The following ADGRL2 variants were observed in gnomAD, a reference collection of about 807,000 sequenced individuals.
ADGRL2 encodes calcium-independent alpha-latrotoxin receptor 2.
A neutral mutation model predicts 157.4 loss-of-function variants in ADGRL2; 44 were observed. The ratio of observed to expected loss-of-function variants is 0.28; its 90% confidence interval spans 0.22 to 0.36. The LOEUF is 0.36. Among genes scored for constraint, ADGRL2 ranks in the 10% least tolerant of loss-of-function variants. The pLI is 1.00. For synonymous variants in ADGRL2, 585 were observed against 624.7 expected (o/e 0.94, Z 0.95); for missense variants, 1,510 against 1,768.9 (o/e 0.85, Z 2.63).
chr1:81,453,801 T>C (rs1487230022), intron 2 of ADGRL2, among the ~76,000 whole-genome samples: 1 of 152,200 alleles, frequency 6.6e-6, no homozygotes. Context: ...ATTAGCAATG[T>C]TGTGATGTCC....
chr1:81,931,809 C>T (rs1230489917), intron 3 of ADGRL2, among the ~76,000 whole-genome samples: 1 of 151,870 alleles, frequency 6.6e-6, no homozygotes, highest in African/African-American at 2.4e-5. Flanking sequence ...TTTTTTTAAA[C>T]TTTTTGTAGA....
intron 2 of ADGRL2, among the ~76,000 whole-genome samples, chr1:81,884,887 C>A (rs2094088451): frequency 6.6e-6 from 1 of 152,036 alleles, no homozygotes; most frequent in African/African-American, 2.4e-5. Flanking sequence ...GAGATAAATT[C>A]ATAATTGAGT....
At chr1:81,898,285 C>A (rs1431196779) in intron 2 of ADGRL2, among the ~76,000 whole-genome samples, 2 of 152,168 alleles carry the variant, frequency 1.3e-5, no homozygotes, top group Admixed American at 1.3e-4. Flanking sequence ...TTCATGCTCA[C>A]CCCACTTATA....
intron 2 of ADGRL2, among the ~76,000 whole-genome samples, chr1:81,453,388 A>T (rs1371264805): frequency 6.6e-6 from 1 of 152,218 alleles, no homozygotes; most frequent in Non-Finnish European, 1.5e-5. Context: ...CAGTAAGTTT[A>T]CAGATTAATG....
intron 1 of ADGRL2, among the ~76,000 whole-genome samples, chr1:81,364,473 C>T (rs1358059111): frequency 4.0e-5 from 6 of 151,614 alleles, no homozygotes; most frequent in African/African-American, 1.5e-4. Context: ...ACTCTGTTGT[C>T]TGAACCCAAC....
chr1:81,953,135 G>A (rs1338985699), intron 10 of ADGRL2, 110 bp downstream of exon 10: 1 of 874,832 alleles, frequency 1.1e-6, no homozygotes, highest in Non-Finnish European at 1.9e-6. Context: ...ATTATATAAT[G>A]TGCCCCATAT....
At chr1:81,425,714 A>G (rs61773165) in intron 1 of ADGRL2, among the ~76,000 whole-genome samples, 1 of 152,138 alleles carries the variant, frequency 6.6e-6, no homozygotes, top group African/African-American at 2.4e-5. Flanking sequence ...GCTTTTGTCA[A>G]TTGCTTCAAG....
intron 1 of ADGRL2, among the ~76,000 whole-genome samples, chr1:81,439,899 A>T (rs2077475944): frequency 6.6e-6 from 1 of 152,212 alleles, no homozygotes. Flanking sequence ...CAGTTGAAGG[A>T]TGGGGAAGGC....
At chr1:81,890,675 A>G (rs1216907469) in intron 2 of ADGRL2, among the ~76,000 whole-genome samples, 2 of 152,158 alleles carry the variant, frequency 1.3e-5, no homozygotes, top group Non-Finnish European at 2.9e-5. Flanking sequence ...CACATCACGC[A>G]GGGGAAATGT....
intron 2 of ADGRL2, among the ~76,000 whole-genome samples, chr1:81,449,060 T>C (rs954043479): frequency 2.6e-5 from 4 of 152,206 alleles, no homozygotes; most frequent in Non-Finnish European, 4.4e-5. Flanking sequence ...GGAATTCTGA[T>C]GGAATAAGTG....
intron 3 of ADGRL2, among the ~76,000 whole-genome samples, chr1:81,585,787 G>C (rs948170980): frequency 2.6e-5 from 4 of 151,968 alleles, no homozygotes; most frequent in Non-Finnish European, 5.9e-5. Context: ...TAATTAACAG[G>C]TCAGTTTAAT....
chr1:81,439,010 T>C (rs2077459128), intron 1 of ADGRL2, among the ~76,000 whole-genome samples: 1 of 152,158 alleles, frequency 6.6e-6, no homozygotes, highest in South Asian at 2.1e-4. Context: ...TTTCTCAAGG[T>C]AGACTTTGCG....
At chr1:81,368,836 G>A (rs2076111934) in intron 1 of ADGRL2, among the ~76,000 whole-genome samples, 1 of 152,086 alleles carries the variant, frequency 6.6e-6, no homozygotes, top group Non-Finnish European at 1.5e-5. Flanking sequence ...AGGCATGAAT[G>A]TGTTCACTCA....
At chr1:81,754,440 TCTC>T (rs147813577) in intron 1 of ADGRL2, among the ~76,000 whole-genome samples, 16,960 of 131,070 alleles carry the variant, frequency 0.13, 1,324 homozygotes, top group Non-Finnish European at 0.17. Context: ...TCCTCCTCCT[TCTC>T]CTCCTCCTCC....
intron 12 of ADGRL2, 69 bp from the exon 13 acceptor site, chr1:81,966,335 T>C (rs1178213843): frequency 4.6e-6 from 7 of 1,532,090 alleles, no homozygotes; most frequent in Non-Finnish European, 5.4e-6. Flanking sequence ...ATCATTTTAT[T>C]CTTATTTTAT....
At chr1:81,802,896 G>A (rs2088485947) in intron 1 of ADGRL2, among the ~76,000 whole-genome samples, 1 of 152,126 alleles carries the variant, frequency 6.6e-6, no homozygotes, top group Non-Finnish European at 1.5e-5. Context: ...AGATGTGGTC[G>A]GGCCGCCGCC....
At chr1:81,702,761 G>C (rs1229298547) in intron 1 of ADGRL2, among the ~76,000 whole-genome samples, 1 of 152,126 alleles carries the variant, frequency 6.6e-6, no homozygotes, top group Non-Finnish European at 1.5e-5. Flanking sequence ...TTACCAAGGA[G>C]AGTTAAAAAA....
Position 81,503,138 on chromosome 1 carries a change from A to G in ADGRL2, c.-248+58049A>G. 1.9e-6 allele frequency: 3 copies of G among 1,614,070 alleles called. No individual in the cohort carries two copies. In the South Asian group the frequency reaches 3.3e-5, roughly 18 times the overall value. ...GAGGAGGAGCAGCGCCTGGTGCAGC[A>G]GGCCTTCCAGCGCAACTTTTTCAGC... is the stretch of plus-strand genomic sequence containing the variant. On this transcript the variant is annotated intron_variant, in intron 2 of 24. Transcript: ENST00000370721.
At chr1:81,863,663 T>G (rs1248432107) in intron 2 of ADGRL2, among the ~76,000 whole-genome samples, 1 of 152,184 alleles carries the variant, frequency 6.6e-6, no homozygotes, top group African/African-American at 2.4e-5. Context: ...GATTTAAGTG[T>G]TTTATGGCTA....
Sources: allele counts gnomAD v4.1 joint callset (sites outside exome capture counted in the v4.1 genomes callset), GRCh38; gene constraint gnomAD v4.1.1; transcripts MANE v1.5; gene names NCBI Gene and HGNC (gene_info 2026-07-23, HGNC 2026-07-21).